SIM2: variants seen among roughly 807,000 people sequenced by gnomAD.
SIM2 encodes single-minded homolog 2.
SIM2 carries 28 observed loss-of-function variants against 64.8 expected under a neutral mutation model. The ratio of observed to expected loss-of-function variants is 0.43; its 90% confidence interval spans 0.32 to 0.59. SIM2 has a LOEUF of 0.59. SIM2 is among the 20% of genes least tolerant of loss of function. The pLI, the probability that SIM2 is intolerant of heterozygous loss-of-function variation, is 0.07. For synonymous variants in SIM2, 408 were observed against 391.1 expected, an observed-to-expected ratio of 1.04 and a Z score of -0.51; for missense variants, 847 against 871.4, an observed-to-expected ratio of 0.97 and a Z score of 0.35.
chr21:36,720,213 G>C (rs2088806881), intron 4 of SIM2: 1 of 371,142 alleles, frequency 2.7e-6, no homozygotes. Context: ...TCGTGCTCTT[G>C]GGTCAGAATT....
Position 36,744,989 on chromosome 21 carries a change from C to T in SIM2, c.1429C>T (p.Arg477Cys), listed in dbSNP as rs1045455758. The change falls in exon 10 of 11, where the codon CGC becomes TGC. Residue 477 changes from arginine to cysteine, a missense_variant. Arg to Cys is a radical substitution (Grantham distance 180). This residue lies in a region of SIM2 where 447 missense variants were observed against 414.6 expected (regional missense o/e 1.08). Transcript: ENST00000290399. Reference sequence around the variant, plus strand: ...CCAAGGATCCCCTTGTGAGGTGGCACGCTTTTTCCTGAGCACACTGCCAGC... The same window carrying T: ...CCAAGGATCCCCTTGTGAGGTGGCATGCTTTTTCCTGAGCACACTGCCAGC... ...QPQGSPCEVARFFLSTLPASG... is the reference protein window; with the variant it reads ...QPQGSPCEVACFFLSTLPASG... 2.1e-5 allele frequency: 34 copies of T among 1,614,112 alleles called. No homozygotes were observed. Among genetic ancestry groups the T allele is most frequent in the East Asian group, 1.1e-4 (5 of 44,894 alleles).
intron 1 of SIM2, among the ~76,000 whole-genome samples, chr21:36,706,189 G>A (rs991743803): frequency 6.6e-6 from 1 of 152,216 alleles, no homozygotes; most frequent in Non-Finnish European, 1.5e-5. Context: ...GCAGGGTGTG[G>A]GACCAACATG....
chr21:36,736,487 C>G (rs2089050046), intron 7 of SIM2, among the ~76,000 whole-genome samples: 1 of 152,184 alleles, frequency 6.6e-6, no homozygotes, highest in South Asian at 2.1e-4. Flanking sequence ...CTGAAGAAAT[C>G]GCAGCCCCTA....
At chr21:36,701,555 C>T (rs1229902214) in intron 1 of SIM2, 1 of 152,308 alleles carries the variant, frequency 6.6e-6, no homozygotes, top group Non-Finnish European at 1.5e-5. Context: ...CCGGCCCTAC[C>T]GCGCGGCCGC....
At chr21:36,700,529 C>A (rs2088476364) in intron 1 of SIM2, among the ~76,000 whole-genome samples, 1 of 152,200 alleles carries the variant, frequency 6.6e-6, no homozygotes, top group Non-Finnish European at 1.5e-5. Context: ...TCCTTCCCTT[C>A]CTCCTTTTCT....
chr21:36,699,716 C>A lies in SIM2; in HGVS notation c.-31C>A, dbSNP rs1224626407. 1 of 1,604,004 alleles carries A rather than the reference C, an allele frequency of 6.2e-7. No individual in the cohort carries two copies. On this transcript the variant is annotated 5_prime_UTR_variant, in exon 1 of 11. Transcript: ENST00000290399. The surrounding 1 kb of genome is among the most constrained non-coding windows in gnomAD (Gnocchi z 5.6). ...GGGGCTCCGCGGGCCTGGAGCACGG[C>A]CGGGTCTAATATGCCCGGAGCCGAG...
Position 36,709,274 on chromosome 21 carries a change from G to A in SIM2, c.258+24G>A, listed in dbSNP as rs761360434. The A allele has an allele frequency of 4.5e-6, 7 of 1,562,214 alleles. No individual in the cohort carries two copies. In the African/African-American group the frequency reaches 8.1e-5, roughly 18 times the overall value. ...AGGTAGAGCGGCCTCGCCGGGGGAG[G>A]AGCGCAGCCGCCGCAGGCTCCCTTC... On this transcript the variant is annotated intron_variant, in intron 2 of 10. Transcript: ENST00000290399.
intron 4 of SIM2, among the ~76,000 whole-genome samples, chr21:36,721,599 C>G (rs944533343): frequency 9.9e-5 from 15 of 152,116 alleles, no homozygotes; most frequent in African/African-American, 3.6e-4. Flanking sequence ...TGCCACCACG[C>G]CTGGCTAATT....
At chr21:36,733,723 C>G (rs1475450176) in intron 7 of SIM2, among the ~76,000 whole-genome samples, 1 of 151,736 alleles carries the variant, frequency 6.6e-6, no homozygotes, top group Non-Finnish European at 1.5e-5. Flanking sequence ...GCAAGCCTGG[C>G]TAATTTTTTT....
chr21:36,706,382 T>C (rs1398571048), intron 1 of SIM2, among the ~76,000 whole-genome samples: 1 of 152,040 alleles, frequency 6.6e-6, no homozygotes, highest in East Asian at 1.9e-4. Context: ...CAACCTCACC[T>C]TCCTCACCCC....
At chr21:36,725,575 G>T (rs1224208368) in intron 5 of SIM2, among the ~76,000 whole-genome samples, 1 of 152,098 alleles carries the variant, frequency 6.6e-6, no homozygotes, top group Non-Finnish European at 1.5e-5. Flanking sequence ...CTAATTTGTA[G>T]TTACTTACAG....
At position 36,731,046 on chromosome 21, in the gene SIM2, G is replaced by T. The variant is rs775954129; in HGVS notation, c.745G>T (p.Val249Leu). 1 of 1,613,402 alleles carries T rather than the reference G, an allele frequency of 6.2e-7. No homozygotes were observed. The highest frequency in any genetic ancestry group is 1.1e-5 in the South Asian group (1 of 91,040). Reference sequence around the variant, plus strand: ...CACTGAGCTGCCATGCCCCCACAGGGTGACCGAGGTGACGGGGTACGAGCC... The same window carrying T: ...CACTGAGCTGCCATGCCCCCACAGGTTGACCGAGGTGACGGGGTACGAGCC... ...DLKLIFLDSRVTEVTGYEPQD... is the reference protein window; with the variant it reads ...DLKLIFLDSRLTEVTGYEPQD... Residue 249 changes from valine (V) to leucine (L), a missense_variant and splice_region_variant, in exon 7 of 11, where the codon GTG (valine) becomes TTG (leucine). Coordinates refer to ENST00000290399, the MANE Select transcript of SIM2 (RefSeq NM_005069.6).
At chr21:36,712,885 G>T (rs2123435516) in intron 3 of SIM2, among the ~76,000 whole-genome samples, 1 of 152,276 alleles carries the variant, frequency 6.6e-6, no homozygotes, top group South Asian at 2.1e-4. Context: ...CCGAGATTCT[G>T]CCAAAACCCG....
chr21:36,731,076 G>T lies in SIM2; in HGVS notation c.775G>T (p.Asp259Tyr). The change falls in exon 7 of 11, where the codon GAC becomes TAC. Residue 259 changes from aspartate (D) to tyrosine (Y), a missense_variant. By Grantham distance (160) the Asp-to-Tyr change is radical (BLOSUM62 -3). This residue lies in a region of SIM2 where 397 missense variants were observed against 439.2 expected (regional missense o/e 0.90). Transcript: ENST00000290399. ...VTEVTGYEPQ[D>Y]LIEKTLYHHV... ...CGAGGTGACGGGGTACGAGCCGCAG[G>T]ACCTGATCGAGAAGACCCTATACCA... 1 of 1,614,100 alleles carries T rather than the reference G, an allele frequency of 6.2e-7. No homozygotes were observed.
chr21:36,746,406 C>T (rs2002799), intron 10 of SIM2: 41,392 of 152,528 alleles, frequency 0.27, 6,077 homozygotes, highest in Middle Eastern at 0.39. Context: ...AGTTCCTCCA[C>T]GCCTCTCTCG....
At position 36,744,904 on chromosome 21, in the gene SIM2, T is replaced by C; in HGVS notation, c.1344T>C (p.Pro448=). The C allele has an allele frequency of 6.2e-7, 1 of 1,614,226 alleles. No homozygotes were observed. The highest frequency in any genetic ancestry group is 8.5e-7 in the Non-Finnish European group (1 of 1,180,028). The change falls in exon 10 of 11, where the codon CCT becomes CCC. Residue 448 remains proline (P), a synonymous_variant. Coordinates refer to ENST00000290399, the MANE Select transcript of SIM2 (RefSeq NM_005069.6). ...LPFSYHYGHF[P]LDSHVFSSKK... ...TCTCCTACCATTACGGACACTTCCC[T>C]CTGGACTCTCACGTCTTCAGCAGCA... is the stretch of plus-strand genomic sequence containing the variant.
intron 1 of SIM2, among the ~76,000 whole-genome samples, chr21:36,707,989 G>T (rs1037693092): frequency 3.9e-5 from 6 of 152,128 alleles, no homozygotes; most frequent in Admixed American, 3.9e-4. Context: ...GTTGGGGCGG[G>T]GGACGCGCCA....
Position 36,747,607 on chromosome 21 carries a change from G to A in SIM2, c.1577-58G>A. The stretch of plus-strand genomic sequence containing the variant: ...TGGTGGCTGCGCCCGGGGCTTGGGG[G>A]TGGGGTGGCTGCGGCCGCGCCCCTT... On this transcript the variant is annotated intron_variant, in intron 10 of 10. Transcript: ENST00000290399. The surrounding 1 kb of genome is among the most constrained non-coding windows in gnomAD (Gnocchi z 4.5). 6 of 1,145,832 alleles carry A rather than the reference G, an allele frequency of 5.2e-6. No individual in the cohort carries two copies. The highest frequency in any genetic ancestry group is 5.4e-6 in the Non-Finnish European group (5 of 926,244). The allele number at this position is 1,145,832 out of a possible 1,614,324, so 71.0% of individuals were successfully genotyped here.
At chr21:36,721,790 C>T (rs188264524) in intron 4 of SIM2, among the ~76,000 whole-genome samples, 23 of 152,254 alleles carry the variant, frequency 1.5e-4, no homozygotes, top group Non-Finnish European at 2.4e-4. Flanking sequence ...CCCCTACCCC[C>T]GGTTTCATTT....
Sources: allele counts gnomAD v4.1 joint callset (sites outside exome capture counted in the v4.1 genomes callset), GRCh38; gene constraint gnomAD v4.1.1; regional missense constraint gnomAD v4.1.1; non-coding constraint Gnocchi (gnomAD v3.1); transcripts MANE v1.5; gene names NCBI Gene and HGNC (gene_info 2026-07-23, HGNC 2026-07-21).